Variants in AGBL4 observed in about 807,000 individuals in gnomAD.
AGBL4 encodes AGBL carboxypeptidase 4, also known as cytosolic carboxypeptidase 6.
Under a neutral mutation model 66.4 loss-of-function variants are expected in AGBL4, and 58 were observed. The ratio of observed to expected loss-of-function variants is 0.87; its 90% confidence interval spans 0.71 to 1.09. The LOEUF (loss-of-function observed/expected upper bound fraction) is 1.09. Ranked by LOEUF, AGBL4 falls within the 50% of genes least tolerant of loss-of-function variation. AGBL4 has a pLI of 0.00. For synonymous variants in AGBL4, 234 were observed against 222.9 expected (o/e 1.05, Z -0.44); for missense variants, 579 against 631.0 (o/e 0.92, Z 0.88).
chr1:49,225,728 T>G (rs1649861994), intron 4 of AGBL4, among the ~76,000 whole-genome samples: 1 of 152,186 alleles, frequency 6.6e-6, no homozygotes, highest in South Asian at 2.1e-4. Flanking sequence ...CTGGATTCCT[T>G]TGGATTATAA....
chr1:49,948,085 A>T (rs548871224), intron 1 of AGBL4, among the ~76,000 whole-genome samples: 3 of 85,110 alleles, frequency 3.5e-5, no homozygotes, highest in Middle Eastern at 9.8e-3. Context: ...AATATATGTA[A>T]ATATATGTAT....
At position 48,724,938 on chromosome 1, in the gene AGBL4, C is replaced by T. The variant is rs531895442; in HGVS notation, c.635-61697G>A. On this transcript the variant is annotated intron_variant, in intron 6 of 13. Transcript: ENST00000371839. ...TCAGTATTGACAGTCTTCTTCTACA[C>T]AACTCACTGGCCTGGCACAAGAATC... is the stretch of plus-strand genomic sequence containing the variant. Among the ~76,000 whole-genome samples the T allele has an allele frequency of 6.6e-5, 10 of 152,244 alleles. No individual in the cohort carries two copies. In the East Asian group the frequency reaches 9.7e-4, roughly 15 times the overall value.
chr1:49,689,748 C>G (rs561935472), intron 3 of AGBL4, among the ~76,000 whole-genome samples: 2 of 152,024 alleles, frequency 1.3e-5, no homozygotes, highest in African/African-American at 4.8e-5. Flanking sequence ...TTTCTTTGAT[C>G]AATATTTTAT....
chr1:48,628,554 C>T (rs1645541813), intron 9 of AGBL4, among the ~76,000 whole-genome samples: 1 of 152,056 alleles, frequency 6.6e-6, no homozygotes, highest in Non-Finnish European at 1.5e-5. Flanking sequence ...AAGCCAAATG[C>T]CTTGGGGCAG....
intron 3 of AGBL4, among the ~76,000 whole-genome samples, chr1:49,526,454 T>C (rs1479140336): frequency 6.6e-6 from 1 of 152,034 alleles, no homozygotes; most frequent in Non-Finnish European, 1.5e-5. Flanking sequence ...TAATATAAAT[T>C]GCCTTTGCTT....
chr1:49,987,697 T>G (rs1406748643), intron 1 of AGBL4, among the ~76,000 whole-genome samples: 1 of 152,050 alleles, frequency 6.6e-6, no homozygotes, highest in African/African-American at 2.4e-5. Flanking sequence ...TATACACTTT[T>G]AAAATTTTTA....
intron 3 of AGBL4, among the ~76,000 whole-genome samples, chr1:49,480,183 CT>C (rs1396141131): frequency 2.0e-5 from 3 of 151,934 alleles, no homozygotes; most frequent in Non-Finnish European, 4.4e-5. Context: ...CAAATTAGTT[CT>C]CTCTTTAGGT....
At chr1:49,365,237 T>C (rs1167878463) in intron 3 of AGBL4, among the ~76,000 whole-genome samples, 1 of 152,164 alleles carries the variant, frequency 6.6e-6, no homozygotes, top group Admixed American at 6.5e-5. Context: ...GGCATGAGTT[T>C]TGGAATCAGA....
At chr1:49,147,865 T>C (rs921235109) in intron 4 of AGBL4, among the ~76,000 whole-genome samples, 1 of 151,916 alleles carries the variant, frequency 6.6e-6, no homozygotes, top group Non-Finnish European at 1.5e-5. Flanking sequence ...GGCCAGGTCT[T>C]AGGCTGGGGG....
intron 3 of AGBL4, among the ~76,000 whole-genome samples, chr1:49,609,919 A>G (rs1013807055): frequency 6.6e-6 from 1 of 152,178 alleles, no homozygotes; most frequent in African/African-American, 2.4e-5. Flanking sequence ...TATAAATTCT[A>G]AAAATATATA....
intron 6 of AGBL4, among the ~76,000 whole-genome samples, chr1:48,822,286 T>C (rs915538647): frequency 6.6e-6 from 1 of 152,142 alleles, no homozygotes; most frequent in African/African-American, 2.4e-5. Flanking sequence ...ACAATTCAAA[T>C]AGGTGAATGG....
chr1:48,715,928 C>T (rs1351081786), intron 6 of AGBL4, among the ~76,000 whole-genome samples: 1 of 152,082 alleles, frequency 6.6e-6, no homozygotes, highest in East Asian at 1.9e-4. Flanking sequence ...GGCCCCAGAG[C>T]ATTTTCACAG....
At chr1:49,534,171 CAAAAAAAAAAA>C (rs71059553) in intron 3 of AGBL4, among the ~76,000 whole-genome samples, 32 of 67,046 alleles carry the variant, frequency 4.8e-4, no homozygotes, top group Middle Eastern at 0.023. Context: ...CACCATTTTA[CAAAAAAAAAAA>C]AAAAAAAAAA....
At chr1:48,761,146 G>A in intron 6 of AGBL4, 1 of 588,358 alleles carries the variant, frequency 1.7e-6, no homozygotes, top group South Asian at 2.1e-5. Flanking sequence ...ATGAATCAGG[G>A]CTCTCTAGAA....
At chr1:49,864,066 G>A (rs778471962) in intron 1 of AGBL4, among the ~76,000 whole-genome samples, 1 of 152,066 alleles carries the variant, frequency 6.6e-6, no homozygotes, top group Non-Finnish European at 1.5e-5. Flanking sequence ...TATACACAAT[G>A]GAGTATTATC....
chr1:49,510,521 C>T (rs1649124295), intron 3 of AGBL4, among the ~76,000 whole-genome samples: 1 of 150,506 alleles, frequency 6.6e-6, no homozygotes, highest in Admixed American at 6.6e-5. Flanking sequence ...AATTTTCTCC[C>T]ATGTTGTAGG....
At chr1:49,819,292 A>T (rs1275728101) in intron 2 of AGBL4, among the ~76,000 whole-genome samples, 1 of 152,230 alleles carries the variant, frequency 6.6e-6, no homozygotes, top group African/African-American at 2.4e-5. Context: ...TAATTTGGCT[A>T]TCATGACTTA....
At position 49,603,527 on chromosome 1, in the gene AGBL4, A is replaced by AAAATAAAT. The variant is rs59509776; in HGVS notation, c.282+93778_282+93785dup. On this transcript the variant is annotated intron_variant, in intron 3 of 13. Transcript: ENST00000371839. ...GCGACAGAGCGAGACTCCATCTCAAAAAATAAATAAATAAATAAATAAATA... is the reference window on the plus strand; with the variant it reads ...GCGACAGAGCGAGACTCCATCTCAAAAAATAAATAAATAAATAAATAAATAAATAAATA... Among the ~76,000 whole-genome samples the AAAATAAAT allele has an allele frequency of 6.3e-3, 880 of 140,640 alleles. 7 individuals are homozygous for AAAATAAAT. The highest frequency in any genetic ancestry group is 8.1e-3 in the African/African-American group (307 of 37,824). 92.3% of individuals were successfully genotyped at this position (140,640 alleles called of 152,430 possible). A position where few individuals can be genotyped will look rare whatever the true frequency, so the allele number is the denominator to read the frequency against.
At chr1:48,624,267 G>C (rs1557835895) in intron 9 of AGBL4, among the ~76,000 whole-genome samples, 1 of 152,166 alleles carries the variant, frequency 6.6e-6, no homozygotes, top group African/African-American at 2.4e-5. Flanking sequence ...GAGAATTATA[G>C]AGGTTTGAAA....
Sources: gnomAD v4.1 joint callset for allele counts (sites outside exome capture counted in the v4.1 genomes callset) on GRCh38, gnomAD v4.1.1 for gene constraint, MANE v1.5 for transcripts, NCBI Gene and HGNC (gene_info 2026-07-23, HGNC 2026-07-21) for gene names.